The following PCSK2 variants were observed in gnomAD, a reference collection of about 807,000 sequenced individuals.
PCSK2 encodes the protein proprotein convertase subtilisin/kexin type 2, also known as neuroendocrine convertase 2.
A neutral mutation model predicts 69.7 loss-of-function variants in PCSK2; 14 were observed. That is an observed-to-expected ratio of 0.20 (90% CI 0.13 to 0.31). The LOEUF is 0.31. Ranked by LOEUF, PCSK2 falls within the 10% of genes least tolerant of loss-of-function variation. The pLI is 1.00. For synonymous variants in PCSK2, 307 were observed against 320.7 expected (o/e 0.96, Z 0.46); for missense variants, 544 against 842.5 (o/e 0.65, Z 4.39).
intron 2 of PCSK2, among the ~76,000 whole-genome samples, chr20:17,315,583 GC>G (rs887813337): frequency 9.2e-5 from 14 of 152,346 alleles, no homozygotes; most frequent in African/African-American, 3.1e-4. Flanking sequence ...ACGGGCAGGG[GC>G]GGAGCTGAGG....
intron 6 of PCSK2, among the ~76,000 whole-genome samples, chr20:17,418,408 A>G (rs1399488068): frequency 1.3e-5 from 2 of 152,178 alleles, no homozygotes; most frequent in Non-Finnish European, 2.9e-5. Flanking sequence ...GGACAAAGAT[A>G]GGCTGGCGGG....
intron 8 of PCSK2, among the ~76,000 whole-genome samples, chr20:17,441,371 T>C (rs1163474476): frequency 2.6e-5 from 4 of 152,182 alleles, no homozygotes; most frequent in Admixed American, 6.5e-5. Context: ...CATCAAAGGG[T>C]AGTTGTCTAT....
chr20:17,444,739 C>A lies in PCSK2; in HGVS notation c.885+7856C>A, dbSNP rs995181306. Among the ~76,000 whole-genome samples, 4 of 152,222 alleles carry A rather than the reference C, an allele frequency of 2.6e-5. No homozygotes were observed. In the South Asian group the frequency reaches 8.3e-4, roughly 32 times the overall value. On this transcript the variant is annotated intron_variant, in intron 8 of 11. Transcript: ENST00000262545. ...GTTAAGGGTATGTTATCCTGCCAGT[C>A]ATCGCTGTCAGCAACTGGAGCTTAA...
intron 2 of PCSK2, among the ~76,000 whole-genome samples, chr20:17,263,485 G>T (rs1987472742): frequency 5.3e-5 from 8 of 152,320 alleles, no homozygotes; most frequent in Admixed American, 4.6e-4. Context: ...ACAGTGAGAT[G>T]TTCAGGAAAT....
At chr20:17,403,478 A>C (rs1219985662) in intron 5 of PCSK2, among the ~76,000 whole-genome samples, 1 of 152,238 alleles carries the variant, frequency 6.6e-6, no homozygotes, top group Non-Finnish European at 1.5e-5. Flanking sequence ...TTAGGCTCTA[A>C]TGGACTGGGC....
chr20:17,435,638 C>T (rs1464678455), intron 7 of PCSK2, among the ~76,000 whole-genome samples: 3 of 152,156 alleles, frequency 2.0e-5, no homozygotes, highest in Non-Finnish European at 4.4e-5. Context: ...AGTTTTGGGG[C>T]CCAGATTTTG....
intron 2 of PCSK2, among the ~76,000 whole-genome samples, chr20:17,337,413 G>T (rs1001257074): frequency 6.6e-6 from 1 of 152,188 alleles, no homozygotes; most frequent in Admixed American, 6.5e-5. Flanking sequence ...ACTGGGTCAG[G>T]TTTGCCAGGC....
At chr20:17,364,590 G>A (rs1046580566) in intron 4 of PCSK2, among the ~76,000 whole-genome samples, 1 of 152,082 alleles carries the variant, frequency 6.6e-6, no homozygotes, top group Non-Finnish European at 1.5e-5. Context: ...TCACTACCAC[G>A]AAAACAGTAT....
chr20:17,421,479 G>T (rs1314963405), intron 6 of PCSK2, among the ~76,000 whole-genome samples: 2 of 152,150 alleles, frequency 1.3e-5, no homozygotes, highest in Non-Finnish European at 2.9e-5. Flanking sequence ...AACTAGCCAG[G>T]AAGTCTCTGC....
chr20:17,259,597 G>T (rs894235276), intron 1 of PCSK2, among the ~76,000 whole-genome samples: 4 of 152,178 alleles, frequency 2.6e-5, no homozygotes, highest in African/African-American at 9.7e-5. Context: ...TAGAGGCCCT[G>T]TGCCAAAGAC....
chr20:17,274,916 A>G (rs912331996), intron 2 of PCSK2, among the ~76,000 whole-genome samples: 3 of 152,036 alleles, frequency 2.0e-5, no homozygotes, highest in Non-Finnish European at 4.4e-5. Flanking sequence ...ACACCCCAGC[A>G]GTCTACAGCA....
rs1183359188 is a variant in PCSK2 at position 17,465,542 on chromosome 20, G to A, written c.1419G>A (p.Val473=). Residue 473 remains valine (V), a synonymous_variant, in exon 11 of 12, where the codon GTG becomes GTA. Transcript: ENST00000262545. ...GATTCCACTGTGTGGGAGGCTCCGTGCAGGACCCTGAGTAAGTGGGGGTAG... is the reference window on the plus strand; with the variant it reads ...GATTCCACTGTGTGGGAGGCTCCGTACAGGACCCTGAGTAAGTGGGGGTAG... The part of the protein sequence containing the change: ...PERFHCVGGS[V]QDPEKIPSTG... 3.8e-6 allele frequency: 6 copies of A among 1,587,816 alleles called. No homozygotes were observed. In the East Asian group the frequency reaches 1.3e-4, roughly 36 times the overall value.
intron 6 of PCSK2, among the ~76,000 whole-genome samples, chr20:17,413,158 C>A (rs891251046): frequency 3.3e-5 from 5 of 152,182 alleles, no homozygotes; most frequent in African/African-American, 1.2e-4. Context: ...ATCATAATGA[C>A]AGAATCAAAT....
intron 2 of PCSK2, among the ~76,000 whole-genome samples, chr20:17,268,015 C>T (rs1987690292): frequency 8.6e-6 from 1 of 116,622 alleles, no homozygotes; most frequent in Admixed American, 9.1e-5. Flanking sequence ...AAAGGAAATG[C>T]ATTTATATAT....
chr20:17,285,966 G>A (rs142842540), intron 2 of PCSK2, among the ~76,000 whole-genome samples: 1 of 152,232 alleles, frequency 6.6e-6, no homozygotes, highest in Non-Finnish European at 1.5e-5. Context: ...TAACTACAGA[G>A]TTACCTTTAG....
chr20:17,331,024 T>C (rs1990192300), intron 2 of PCSK2, among the ~76,000 whole-genome samples: 1 of 152,202 alleles, frequency 6.6e-6, no homozygotes, highest in African/African-American at 2.4e-5. Flanking sequence ...CAAGGGAAGC[T>C]GGGTAAGCAG....
intron 5 of PCSK2, among the ~76,000 whole-genome samples, chr20:17,400,497 T>C (rs2031609276): frequency 6.6e-6 from 1 of 152,114 alleles, no homozygotes; most frequent in African/African-American, 2.4e-5. Context: ...GGATGAGTAA[T>C]GCATACAAAA....
chr20:17,480,019 C>T (rs2033366976), intron 11 of PCSK2, among the ~76,000 whole-genome samples: 1 of 151,820 alleles, frequency 6.6e-6, no homozygotes, highest in South Asian at 2.1e-4. Context: ...TGAGCTTCTC[C>T]CACTCCAAGA....
chr20:17,473,033 A>C (rs527615005), intron 11 of PCSK2, among the ~76,000 whole-genome samples: 169 of 151,908 alleles, frequency 1.1e-3, no homozygotes, highest in Non-Finnish European at 2.0e-3. Flanking sequence ...TGTCTTTTAT[A>C]AGACTGGAAC....
Sources: allele counts gnomAD v4.1 joint callset (sites outside exome capture counted in the v4.1 genomes callset), GRCh38; gene constraint gnomAD v4.1.1; transcripts MANE v1.5; gene names NCBI Gene and HGNC (gene_info 2026-07-23, HGNC 2026-07-21).